Variants in CNTLN observed in about 807,000 individuals in gnomAD.
CNTLN encodes the protein centlein, centrosomal protein.
A neutral mutation model predicts 180.0 loss-of-function variants in CNTLN; 212 were observed. The ratio of observed to expected loss-of-function variants is 1.18; its 90% CI spans 1.05 to 1.32. CNTLN has a LOEUF of 1.32. CNTLN is among the 40% of genes most tolerant of loss of function. CNTLN has a pLI of 0.00. For synonymous variants in CNTLN, 722 were observed against 563.1 expected (o/e 1.28, Z -3.99); for missense variants, 2,095 against 1,610.9 (o/e 1.30, Z -5.14).
the CNTLN span, among the ~76,000 whole-genome samples, chr9:17,525,135 CA>C: frequency 6.6e-6 from 1 of 152,182 alleles, no homozygotes; most frequent in African/African-American, 2.4e-5. Flanking sequence ...CTAACTTGCC[CA>C]ACATCCCTCA....
chr9:17,164,958 C>A (rs1250062781), intron 2 of CNTLN, among the ~76,000 whole-genome samples: 1 of 151,310 alleles, frequency 6.6e-6, no homozygotes, highest in Non-Finnish European at 1.5e-5. Context: ...GCCTCAGCCT[C>A]CCAAGTAGCT....
downstream of CNTLN, among the ~76,000 whole-genome samples, chr9:17,505,292 C>G (rs1166877309): frequency 6.6e-6 from 1 of 152,008 alleles, no homozygotes; most frequent in Non-Finnish European, 1.5e-5. Context: ...TCTCACCACT[C>G]TCTCTCAACA....
At chr9:17,382,428 C>T (rs1262445164) in intron 13 of CNTLN, among the ~76,000 whole-genome samples, 1 of 152,132 alleles carries the variant, frequency 6.6e-6, no homozygotes. Context: ...ATCAAGGGAA[C>T]ATCTTGGGAA....
intron 2 of CNTLN, among the ~76,000 whole-genome samples, chr9:17,171,772 G>A (rs970686442): frequency 1.3e-5 from 2 of 152,124 alleles, no homozygotes; most frequent in Admixed American, 6.5e-5. Context: ...CAGTATGGGT[G>A]CTCGTGGAAT....
chr9:17,292,901 G>C (rs1025935255), intron 6 of CNTLN, among the ~76,000 whole-genome samples: 2 of 152,096 alleles, frequency 1.3e-5, no homozygotes, highest in African/African-American at 2.4e-5. Flanking sequence ...AATTTTCATT[G>C]ATTCTTTCTC....
intron 6 of CNTLN, among the ~76,000 whole-genome samples, chr9:17,275,573 T>A (rs1451179307): frequency 6.6e-6 from 1 of 152,134 alleles, no homozygotes; most frequent in African/African-American, 2.4e-5. Flanking sequence ...AACAAAGACC[T>A]TTACATTTTA....
chr9:17,466,883 T>C lies in CNTLN; in HGVS notation c.3847T>C (p.Phe1283Leu). Residue 1283 changes from phenylalanine (F) to leucine (L), a missense_variant, in exon 23 of 26, where the codon TTT becomes CTT. Coordinates refer to ENST00000380647, the MANE Select transcript of CNTLN (RefSeq NM_017738.4). ...TGAAAAAGTAGAAGAGTTCACCACATTTGTGAAGGTTTGAATTACTTGTCG... is the reference window on the plus strand; with the variant it reads ...TGAAAAAGTAGAAGAGTTCACCACACTTGTGAAGGTTTGAATTACTTGTCG... Reference protein sequence around the residue: ...ANEKVEEFTTFVKALAKELQN... With the variant: ...ANEKVEEFTTLVKALAKELQN... The C allele has an allele frequency of 6.2e-7, 1 of 1,607,374 alleles. No individual in the cohort carries two copies. The highest frequency in any genetic ancestry group is 1.1e-5 in the South Asian group (1 of 90,380).
At chr9:17,350,675 G>C (rs1192944417) in intron 12 of CNTLN, among the ~76,000 whole-genome samples, 2 of 152,166 alleles carry the variant, frequency 1.3e-5, no homozygotes, top group Admixed American at 6.6e-5. Context: ...TTAGGTTCCT[G>C]ATGAGGGCTC....
chr9:17,196,050 G>A (rs563545875), intron 2 of CNTLN, among the ~76,000 whole-genome samples: 6 of 152,128 alleles, frequency 3.9e-5, no homozygotes, highest in African/African-American at 1.4e-4. Flanking sequence ...TTGAGATGGA[G>A]CCTTGCTCTG....
At chr9:17,260,213 C>G (rs1034182218) in intron 5 of CNTLN, among the ~76,000 whole-genome samples, 1 of 149,114 alleles carries the variant, frequency 6.7e-6, no homozygotes, top group Non-Finnish European at 1.5e-5. Flanking sequence ...ATCTTTATTT[C>G]TGCCTTCATT....
chr9:17,382,028 G>A (rs1398599664), intron 13 of CNTLN, among the ~76,000 whole-genome samples: 1 of 152,116 alleles, frequency 6.6e-6, no homozygotes, highest in Non-Finnish European at 1.5e-5. Flanking sequence ...CATCCATGAA[G>A]GTATCCATGA....
intron 12 of CNTLN, among the ~76,000 whole-genome samples, chr9:17,355,081 T>G (rs537196745): frequency 6.6e-6 from 1 of 152,054 alleles, no homozygotes; most frequent in Non-Finnish European, 1.5e-5. Context: ...AGGGACAGAC[T>G]CCAGACGCGC....
At chr9:17,353,598 GT>G (rs35444065) in intron 12 of CNTLN, among the ~76,000 whole-genome samples, 80,760 of 139,988 alleles carry the variant, frequency 0.58, 22,952 homozygotes, top group East Asian at 0.73. Context: ...TTTTGTTTTC[GT>G]TTTTTTTTTT....
intron 23 of CNTLN, among the ~76,000 whole-genome samples, chr9:17,467,369 T>C (rs577554370): frequency 6.6e-6 from 1 of 151,536 alleles, no homozygotes; most frequent in Non-Finnish European, 1.5e-5. Flanking sequence ...TGCAGAGGTG[T>C]ACCATCTAGA....
intron 2 of CNTLN, among the ~76,000 whole-genome samples, chr9:17,143,953 A>G (rs1430933522): frequency 1.3e-5 from 2 of 152,198 alleles, no homozygotes; most frequent in Non-Finnish European, 2.9e-5. Context: ...CTCTCTATCA[A>G]ACATTTGGTA....
At chr9:17,514,565 A>G in the CNTLN span, among the ~76,000 whole-genome samples, 1 of 152,186 alleles carries the variant, frequency 6.6e-6, no homozygotes, top group Admixed American at 6.5e-5. Flanking sequence ...CTAAAAAGAG[A>G]ACTATAAATC....
chr9:17,312,994 AGCT>A (rs778771189), intron 8 of CNTLN, among the ~76,000 whole-genome samples: 6 of 151,990 alleles, frequency 3.9e-5, no homozygotes, highest in Non-Finnish European at 7.4e-5. Flanking sequence ...TGGGTTTTAA[AGCT>A]GTTTTATTAG....
chr9:17,202,159 C>A (rs114046801), intron 2 of CNTLN, among the ~76,000 whole-genome samples: 3,129 of 152,212 alleles, frequency 0.021, 65 homozygotes, highest in African/African-American at 0.056. Context: ...TGAGTTTCTT[C>A]ATCCTGAGTT....
chr9:17,298,584 A>G (rs1338809232), intron 7 of CNTLN: 17 of 1,117,712 alleles, frequency 1.5e-5, no homozygotes, highest in African/African-American at 1.6e-5. Flanking sequence ...AACTTACTCT[A>G]TAGGGTATTA....
Sources: allele counts gnomAD v4.1 joint callset (sites outside exome capture counted in the v4.1 genomes callset), GRCh38; gene constraint gnomAD v4.1.1; transcripts MANE v1.5; gene names NCBI Gene and HGNC (gene_info 2026-07-23, HGNC 2026-07-21).